The following KCNAB1 variants were observed in gnomAD, a reference collection of about 807,000 sequenced individuals.
KCNAB1 encodes potassium voltage-gated channel subfamily A regulatory beta subunit 1.
In KCNAB1, 35 loss-of-function variants were observed where a neutral mutation model predicts 64.6. The observed-to-expected ratio is 0.54, with a 90% CI of 0.41 to 0.72. The LOEUF is 0.72. KCNAB1 is among the 30% of genes least tolerant of loss of function. KCNAB1 has a pLI of 0.00. For missense variants in KCNAB1, 401 were observed against 512.9 expected (o/e 0.78, Z 2.11); for synonymous variants, 177 against 183.8 (o/e 0.96, Z 0.30).
chr3:156,193,685 G>C (rs1713707567), intron 1 of KCNAB1, among the ~76,000 whole-genome samples: 1 of 152,070 alleles, frequency 6.6e-6, no homozygotes, highest in African/African-American at 2.4e-5. Flanking sequence ...TGAGAACTCA[G>C]TCGTCACTAT....
intron 12 of KCNAB1, among the ~76,000 whole-genome samples, chr3:156,527,617 A>C (rs1718410976): frequency 6.6e-6 from 1 of 152,182 alleles, no homozygotes; most frequent in Non-Finnish European, 1.5e-5. Context: ...TGCCTTCTTT[A>C]CAGGATCTGA....
intron 8 of KCNAB1, among the ~76,000 whole-genome samples, chr3:156,476,646 T>C (rs1714385634): frequency 6.6e-6 from 1 of 152,080 alleles, no homozygotes; most frequent in Admixed American, 6.6e-5. Flanking sequence ...GATGGGCATT[T>C]GGGTTGGTTC....
At chr3:156,533,605 G>C (rs1422886739) in intron 13 of KCNAB1, among the ~76,000 whole-genome samples, 1 of 152,122 alleles carries the variant, frequency 6.6e-6, no homozygotes, top group Non-Finnish European at 1.5e-5. Flanking sequence ...TTGAATGTCT[G>C]AAGGTCACTC....
intron 8 of KCNAB1, among the ~76,000 whole-genome samples, chr3:156,504,650 G>A (rs974615593): frequency 7.9e-5 from 12 of 151,398 alleles, no homozygotes; most frequent in Non-Finnish European, 1.3e-4. Flanking sequence ...TAGAGACAGG[G>A]GCTTCCTGTT....
chr3:156,214,219 T>C (rs1395703937), intron 1 of KCNAB1, among the ~76,000 whole-genome samples: 2 of 152,122 alleles, frequency 1.3e-5, no homozygotes, highest in African/African-American at 4.8e-5. Flanking sequence ...TTACAGCGAA[T>C]TATTGAATCT....
At chr3:156,129,924 A>G (rs957292363) in intron 1 of KCNAB1, among the ~76,000 whole-genome samples, 10 of 152,190 alleles carry the variant, frequency 6.6e-5, no homozygotes, top group African/African-American at 2.2e-4. Flanking sequence ...TTTTCTGATT[A>G]ACATGGACCA....
At chr3:156,391,569 A>G (rs539340674) in intron 1 of KCNAB1, among the ~76,000 whole-genome samples, 4 of 152,342 alleles carry the variant, frequency 2.6e-5, no homozygotes, top group Non-Finnish European at 5.9e-5. Flanking sequence ...CTGTCTTTGA[A>G]ATTGCTTCTT....
At chr3:156,435,299 C>T (rs141212968) in intron 2 of KCNAB1, among the ~76,000 whole-genome samples, 7 of 152,226 alleles carry the variant, frequency 4.6e-5, no homozygotes, top group Non-Finnish European at 7.4e-5. Context: ...AGGAAGAGGA[C>T]GTAGGACCTG....
rs1192794014 is a variant in KCNAB1 at position 156,537,087 on chromosome 3, A to AT, written c.*346dup. 25 of 403,884 alleles carry AT rather than the reference A, an allele frequency of 6.2e-5. No individual in the cohort carries two copies. Among genetic ancestry groups the AT allele is most frequent in the Non-Finnish European group, 8.7e-5 (20 of 229,514 alleles). The allele number at this position is 403,884 out of a possible 1,614,324, so 25.0% of individuals were successfully genotyped here. A position where few individuals can be genotyped will look rare whatever the true frequency, so the allele number is the denominator to read the frequency against. On this transcript the variant is annotated 3_prime_UTR_variant, in exon 14 of 14. Coordinates refer to ENST00000490337, the MANE Select transcript of KCNAB1 (RefSeq NM_172160.3). ...AACTCAAAGAAGGCTGTACAGATAT[A>AT]TTTTTTCAAAAGAACAAAATCCACA...
At chr3:156,175,934 TG>T in intron 1 of KCNAB1, 2 of 945,176 alleles carry the variant, frequency 2.1e-6, no homozygotes, top group Non-Finnish European at 3.5e-6. Context: ...ACTTCATTGA[TG>T]GAGCCAGCAT....
chr3:156,186,712 A>G (rs1471838725), intron 1 of KCNAB1, among the ~76,000 whole-genome samples: 2 of 151,968 alleles, frequency 1.3e-5, no homozygotes, highest in African/African-American at 4.8e-5. Context: ...ACTGCCCTCT[A>G]CAAGGTGATG....
intron 1 of KCNAB1, among the ~76,000 whole-genome samples, chr3:156,392,150 T>C (rs1713088862): frequency 6.6e-6 from 1 of 152,170 alleles, no homozygotes; most frequent in East Asian, 1.9e-4. Context: ...CACCAACCAC[T>C]GTAACATCAT....
intron 1 of KCNAB1, chr3:156,292,038 C>T: frequency 6.2e-7 from 1 of 1,614,146 alleles, no homozygotes; most frequent in South Asian, 1.1e-5. Context: ...CGCACGGTCG[C>T]TATCATCGCG....
intron 1 of KCNAB1, among the ~76,000 whole-genome samples, chr3:156,239,673 C>G (rs990240285): frequency 2.0e-5 from 3 of 152,338 alleles, no homozygotes; most frequent in Admixed American, 1.3e-4. Flanking sequence ...CCCTTTTGCA[C>G]TTGCTCTTAA....
chr3:156,490,793 A>G (rs1053923098), intron 8 of KCNAB1, among the ~76,000 whole-genome samples: 5 of 152,164 alleles, frequency 3.3e-5, no homozygotes, highest in African/African-American at 9.6e-5. Context: ...GCAAAGCAAT[A>G]CAAGAAAATT....
At chr3:156,486,635 G>C (rs1455926299) in intron 8 of KCNAB1, among the ~76,000 whole-genome samples, 1 of 152,166 alleles carries the variant, frequency 6.6e-6, no homozygotes, top group African/African-American at 2.4e-5. Flanking sequence ...GGGACTGGTA[G>C]GGAAGGTAGT....
chr3:156,166,140 AC>A (rs1446424848), intron 1 of KCNAB1, among the ~76,000 whole-genome samples: 2 of 152,228 alleles, frequency 1.3e-5, no homozygotes, highest in Non-Finnish European at 2.9e-5. Context: ...ATGCCACGAT[AC>A]ACAGCAGAAG....
At chr3:156,343,948 C>T (rs574241047) in intron 1 of KCNAB1, among the ~76,000 whole-genome samples, 91 of 152,160 alleles carry the variant, frequency 6.0e-4, no homozygotes, top group Non-Finnish European at 1.1e-3. Flanking sequence ...AAGATCCTGG[C>T]TAATTTATTA....
rs1715877952 is a variant in KCNAB1, at chr3:156,222,975, A to G, written c.275+102089A>G. The stretch of plus-strand genomic sequence containing the variant: ...ATAGCATTAAATGCCTACATCAACA[A>G]GTCTAAAAGAGCACAATTAGACAAT... On this transcript the variant is annotated intron_variant, in intron 1 of 13. Transcript: ENST00000490337. 2.6e-5 allele frequency among the ~76,000 whole-genome samples: 4 copies of G among 152,228 alleles called. No homozygotes were observed. The South Asian group carries it at 6.2e-4, about 24-fold the overall frequency.
Sources: allele counts gnomAD v4.1 joint callset (sites outside exome capture counted in the v4.1 genomes callset), GRCh38; gene constraint gnomAD v4.1.1; transcripts MANE v1.5; gene names NCBI Gene and HGNC (gene_info 2026-07-23, HGNC 2026-07-21).